Variants in TAP2 observed in about 807,000 individuals in gnomAD.
The protein encoded by TAP2 is transporter 2, ATP binding cassette subfamily B member, also known as antigen peptide transporter 2.
Under a neutral mutation model 74.7 loss-of-function variants are expected in TAP2, and 49 were observed. The observed-to-expected ratio is 0.66, with a 90% CI of 0.52 to 0.83. The LOEUF is 0.83. Ranked by LOEUF, TAP2 falls within the 40% of genes least tolerant of loss-of-function variation. The pLI, the probability that TAP2 is intolerant of heterozygous loss-of-function variation, is 0.00. For synonymous variants in TAP2, 306 were observed against 368.4 expected, an observed-to-expected ratio of 0.83 and a Z score of 1.94; for missense variants, 739 against 859.0, an observed-to-expected ratio of 0.86 and a Z score of 1.75.
chr6:32,828,050 G>A lies in TAP2; in HGVS notation c.*856C>T. 1.0e-6 allele frequency: 1 copy of A among 965,186 alleles called. No individual in the cohort carries two copies. Among genetic ancestry groups the A allele is most frequent in the Non-Finnish European group, 1.2e-6 (1 of 811,728 alleles). The allele number at this position is 965,186 out of a possible 1,614,324, so 59.8% of individuals were successfully genotyped here. The stretch of plus-strand genomic sequence containing the variant: ...GATGCAATATAATTGATTGGGTCAG[G>A]GTGTGGACTCTAGGGTCAGGCCTGT... On this transcript the variant is annotated 3_prime_UTR_variant, in exon 12 of 12. Coordinates refer to ENST00000374897, the MANE Select transcript of TAP2 (RefSeq NM_001290043.2).
rs1286610661 is a variant in TAP2 at position 32,826,167 on chromosome 6, C to T, written c.*2739G>A. On this transcript the variant is annotated 3_prime_UTR_variant, in exon 12 of 12. Coordinates refer to ENST00000374897, the MANE Select transcript of TAP2 (RefSeq NM_001290043.2). The stretch of plus-strand genomic sequence containing the variant: ...TTTCCCCACAAAATTCTGACAATTA[C>T]GCATTTCCTGCTTGTTTCACAATTG... 20 of 985,324 alleles carry T rather than the reference C, an allele frequency of 2.0e-5. No individual in the cohort carries two copies. Among genetic ancestry groups the T allele is most frequent in the African/African-American group, 5.2e-5 (3 of 57,236 alleles). 61.0% of individuals were successfully genotyped at this position (985,324 alleles called of 1,614,324 possible).
chr6:32,829,501 G>A lies in TAP2; in HGVS notation c.1831C>T (p.Gln611Ter). The change falls in exon 11 of 12, where the codon CAG becomes TAG. Residue 611 changes from glutamine (Q) to a stop codon, truncating the protein, a stop_gained. Transcript: ENST00000374897. LOFTEE classifies it high-confidence loss of function. ...GEKGSQLAAG[Q>*]KQRLAIARAL... ...CGGGCAATGGCCAGACGTTGTTTCT[G>A]TCCCGCAGCCAGCTGGCTTCCCTTC... 6.2e-7 allele frequency: 1 copy of A among 1,614,212 alleles called. No individual in the cohort carries two copies. The highest frequency in any genetic ancestry group is 1.1e-5 in the South Asian group (1 of 91,080).
Position 32,827,142 on chromosome 6 carries a change from C to G in TAP2, c.*1764G>C. The stretch of plus-strand genomic sequence containing the variant: ...CAAGAAAAAATCCAAAACAGCAGTT[C>G]TGGGGAATTCATTGCCAGCACTGGA... On this transcript the variant is annotated 3_prime_UTR_variant, in exon 12 of 12. Coordinates refer to ENST00000374897, the MANE Select transcript of TAP2 (RefSeq NM_001290043.2). The G allele has an allele frequency of 2.0e-6, 2 of 985,650 alleles. No individual in the cohort carries two copies. Among genetic ancestry groups the G allele is most frequent in the Non-Finnish European group, 1.2e-6 (1 of 829,944 alleles). The allele number at this position is 985,650 out of a possible 1,614,324, so 61.1% of individuals were successfully genotyped here.
At position 32,829,996 on chromosome 6, in the gene TAP2, T is replaced by C. The variant is rs2228391; in HGVS notation, c.1729A>G (p.Met577Val). 5.4e-3 allele frequency: 8,746 copies of C among 1,613,120 alleles called. 332 individuals are homozygous for C. The East Asian group carries it at 0.082, about 15-fold the overall frequency. ...GLQSCEDDKV[M>V]AAAQAAHADD... ...GCGTGGGCAGCCTGGGCAGCCGCCATCACCTTATCATCTTCGCAGCTCTGC... is the reference window on the plus strand; with the variant it reads ...GCGTGGGCAGCCTGGGCAGCCGCCACCACCTTATCATCTTCGCAGCTCTGC... The change falls in exon 10 of 12, where the codon ATG becomes GTG. Residue 577 changes from methionine (M) to valine (V), a missense_variant. Transcript: ENST00000374897.
Position 32,835,763 on chromosome 6 carries a change from C to T in TAP2, c.619G>A (p.Ala207Thr). ...CLFSFGSSLS[A>T]GCRGGCFTYT... ...GTGAAGCAGCCTCCTCGGCAGCCTG[C>T]AGACAGTGAGCTGTGGGGTAGGAGA... The change falls in exon 4 of 12, where the codon GCA (alanine) becomes ACA (threonine). Residue 207 changes from alanine (A) to threonine (T), a missense_variant. Transcript: ENST00000374897. The surrounding 1 kb of genome is among the most constrained non-coding windows in gnomAD (Gnocchi z 4.0). 6.2e-7 allele frequency: 1 copy of T among 1,613,062 alleles called. No homozygotes were observed. Among genetic ancestry groups the T allele is most frequent in the Non-Finnish European group, 8.5e-7 (1 of 1,180,020 alleles).
intron 3 of TAP2, among the ~76,000 whole-genome samples, chr6:32,836,671 GAAGT>G (rs1271548690): frequency 6.6e-6 from 1 of 152,188 alleles, no homozygotes; most frequent in Non-Finnish European, 1.5e-5. Flanking sequence ...CTGTAACACA[GAAGT>G]AAGTATTTGT....
Position 32,830,298 on chromosome 6 carries a change from G to T in TAP2, c.1604C>A (p.Ser535Ter). ...GQVLLDEKPI[S>*]QYEHCYLHSQ... ...GTGCAGGTAGCAGTGTTCATACTGT[G>T]AGATGGGCTTTTCATCCAGCAGCAC... is the stretch of plus-strand genomic sequence containing the variant. Residue 535 changes from serine to a stop codon, truncating the protein, a stop_gained, in exon 9 of 12, where the codon TCA (serine) becomes TAA (stop). Coordinates refer to ENST00000374897, the MANE Select transcript of TAP2 (RefSeq NM_001290043.2). LOFTEE classifies it high-confidence loss of function. 1 of 1,613,070 alleles carries T rather than the reference G, an allele frequency of 6.2e-7. No homozygotes were observed. The highest frequency in any genetic ancestry group is 8.5e-7 in the Non-Finnish European group (1 of 1,180,016).
At chr6:32,836,397 G>A (rs1283024050) in intron 3 of TAP2, among the ~76,000 whole-genome samples, 1 of 152,208 alleles carries the variant, frequency 6.6e-6, no homozygotes, top group African/African-American at 2.4e-5. Context: ...CAAAATATAT[G>A]TTTCTAATAC....
Position 32,835,553 on chromosome 6 carries a change from G to T in TAP2, c.739+90C>A. The T allele has an allele frequency of 6.3e-7, 1 of 1,579,414 alleles. No homozygotes were observed. The highest frequency in any genetic ancestry group is 8.7e-7 in the Non-Finnish European group (1 of 1,152,044). On this transcript the variant is annotated intron_variant, in intron 4 of 11. Transcript: ENST00000374897. This position sits in a 1 kb window ranked among gnomAD's most constrained non-coding sequence, Gnocchi z 4.0. ...AAGCATCCCCAAGTCCTGGCATACGGGTGAAGGCAGGAGGAGAGGCTGTGG... is the reference window on the plus strand; with the variant it reads ...AAGCATCCCCAAGTCCTGGCATACGTGTGAAGGCAGGAGGAGAGGCTGTGG...
intron 1 of TAP2, 54 bp downstream of exon 1, chr6:32,838,599 T>G: frequency 4.0e-6 from 1 of 249,208 alleles, no homozygotes. Flanking sequence ...GAGTGGGTAG[T>G]CACTTGGGCT....
At position 32,835,274 on chromosome 6, in the gene TAP2, C is replaced by T. The variant is rs1410113599; in HGVS notation, c.825G>A (p.Leu275=). The T allele has an allele frequency of 6.2e-7, 1 of 1,613,108 alleles. No individual in the cohort carries two copies. The highest frequency in any genetic ancestry group is 8.5e-7 in the Non-Finnish European group (1 of 1,180,038). The change falls in exon 5 of 12, where the codon CTG becomes CTA. Residue 275 remains leucine, a synonymous_variant. Transcript: ENST00000374897. The surrounding 1 kb of genome is among the most constrained non-coding windows in gnomAD (Gnocchi z 4.0). ...AGCCATACAGCCCCACCACTTTCAC[C>T]AGGCTTCGCAAGAGCACATTGGCAT... ...PLNANVLLRS[L]VKVVGLYGFM... is the part of the protein sequence containing the mutation.
At position 32,829,215 on chromosome 6, in the gene TAP2, T is replaced by C. The variant is rs116981592; in HGVS notation, c.1933-181A>G. On this transcript the variant is annotated intron_variant, in intron 11 of 11. Transcript: ENST00000374897. ...GGCTGTACTGCCACAGCTGGAGGAA[T>C]GGAAGCCCAGGAGGGAACTGGGGCT... Among the ~76,000 whole-genome samples, 798 of 152,254 alleles carry C rather than the reference T, an allele frequency of 5.2e-3. 31 individuals are homozygous for C. In the East Asian group the frequency reaches 0.094, roughly 18 times the overall value.
At position 32,837,522 on chromosome 6, in the gene TAP2, C is replaced by A. The variant is rs772360977; in HGVS notation, c.608+15G>T. ...ATTTGGGGCTAGCAAATGGACCCAG[C>A]TGCCCACCACCTACCTGCCAAAGGA... On this transcript the variant is annotated intron_variant, in intron 3 of 11. Coordinates refer to ENST00000374897, the MANE Select transcript of TAP2 (RefSeq NM_001290043.2). The A allele has an allele frequency of 1.6e-5, 26 of 1,609,918 alleles. No individual in the cohort carries two copies. Among genetic ancestry groups the A allele is most frequent in the Non-Finnish European group, 2.0e-5 (23 of 1,176,968 alleles).
In TAP2 at chr6:32,832,045, C is replaced by A. The variant is rs749808858; in HGVS notation, c.1272+288G>T. 2.6e-4 allele frequency among the ~76,000 whole-genome samples: 40 copies of A among 152,136 alleles called. No individual in the cohort carries two copies. The highest frequency in any genetic ancestry group is 3.7e-4 in the Non-Finnish European group (25 of 68,002). On this transcript the variant is annotated intron_variant, in intron 7 of 11. Transcript: ENST00000374897. The surrounding 1 kb of genome is among the most constrained non-coding windows in gnomAD (Gnocchi z 5.9). The stretch of plus-strand genomic sequence containing the variant: ...ATTTACAGATGAAAGTATACAATAT[C>A]TTGGATTTGCTTCAGAATAATATGG...
Position 32,826,160 on chromosome 6 carries a change from A to G in TAP2, c.*2746T>C. 2.0e-6 allele frequency: 2 copies of G among 985,414 alleles called. No individual in the cohort carries two copies. The highest frequency in any genetic ancestry group is 9.4e-5 in the South Asian group (2 of 21,284). The allele number at this position is 985,414 out of a possible 1,614,324, so 61.0% of individuals were successfully genotyped here. A position where few individuals can be genotyped will look rare whatever the true frequency, so the allele number is the denominator to read the frequency against. On this transcript the variant is annotated 3_prime_UTR_variant, in exon 12 of 12. Transcript: ENST00000374897. ...CTAGTCCTTTCCCCACAAAATTCTG[A>G]CAATTACGCATTTCCTGCTTGTTTC...
chr6:32,826,991 A>G lies in TAP2; in HGVS notation c.*1915T>C. 1 of 985,430 alleles carries G rather than the reference A, an allele frequency of 1.0e-6. No individual in the cohort carries two copies. The highest frequency in any genetic ancestry group is 1.2e-6 in the Non-Finnish European group (1 of 829,912). The allele number at this position is 985,430 out of a possible 1,614,324, so 61.0% of individuals were successfully genotyped here. A position where few individuals can be genotyped will look rare whatever the true frequency, so the allele number is the denominator to read the frequency against. ...CCAAATGCCTATTTTACCCTCTGTG[A>G]AATTTGAGAGATGGATGGGTGTGGA... On this transcript the variant is annotated 3_prime_UTR_variant, in exon 12 of 12. Coordinates refer to ENST00000374897, the MANE Select transcript of TAP2 (RefSeq NM_001290043.2).
In TAP2 at chr6:32,830,826, G is replaced by C; in HGVS notation, c.1273-20C>G. ...CAGGGTCTGGAAAACAGGAATGGGA[G>C]AGCCGGCTAATTAAACACACTTCTA... is the stretch of plus-strand genomic sequence containing the variant. On this transcript the variant is annotated intron_variant, in intron 7 of 11. Coordinates refer to ENST00000374897, the MANE Select transcript of TAP2 (RefSeq NM_001290043.2). The C allele has an allele frequency of 6.3e-7, 1 of 1,595,474 alleles. No individual in the cohort carries two copies. The highest frequency in any genetic ancestry group is 8.5e-7 in the Non-Finnish European group (1 of 1,170,784).
At position 32,835,431 on chromosome 6, in the gene TAP2, A is replaced by G. The variant is rs1035325555; in HGVS notation, c.740-72T>C. ...CAGGGCCCCCAGAAACTCCCTCCTG[A>G]CCGTTCCCTCTGACACAGCCCCCTC... On this transcript the variant is annotated intron_variant, in intron 4 of 11. Transcript: ENST00000374897. This position sits in a 1 kb window ranked among gnomAD's most constrained non-coding sequence, Gnocchi z 4.0. The G allele has an allele frequency of 6.5e-6, 10 of 1,547,798 alleles. No individual in the cohort carries two copies. The highest frequency in any genetic ancestry group is 8.9e-6 in the Non-Finnish European group (10 of 1,126,074).
At chr6:32,838,355 A>C in intron 1 of TAP2, 118 bp from the exon 2 acceptor site, 1 of 1,365,522 alleles carries the variant, frequency 7.3e-7, no homozygotes, top group Non-Finnish European at 9.6e-7. Flanking sequence ...ATCCTATTCA[A>C]CCCTGAGAGC....
Sources: allele counts gnomAD v4.1 joint callset (sites outside exome capture counted in the v4.1 genomes callset), GRCh38; gene constraint gnomAD v4.1.1; non-coding constraint Gnocchi (gnomAD v3.1); transcripts MANE v1.5; gene names NCBI Gene and HGNC (gene_info 2026-07-23, HGNC 2026-07-21).